MAPKAP1: variants seen among roughly 807,000 people sequenced by gnomAD.
The protein encoded by MAPKAP1 is target of rapamycin complex 2 subunit MAPKAP1.
MAPKAP1 carries 20 observed loss-of-function variants against 65.7 expected under a neutral mutation model. That is an observed-to-expected ratio of 0.30 (90% CI 0.21 to 0.44). MAPKAP1 has a LOEUF of 0.44. Among genes scored for constraint, MAPKAP1 ranks in the 20% least tolerant of loss-of-function variants. The pLI is 1.00. For missense variants in MAPKAP1, 423 were observed against 648.0 expected, an observed-to-expected ratio of 0.65 and a Z score of 3.77; for synonymous variants, 222 against 244.3, an observed-to-expected ratio of 0.91 and a Z score of 0.85.
At chr9:125,518,805 T>C (rs77068621) in intron 7 of MAPKAP1, among the ~76,000 whole-genome samples, 6,874 of 152,246 alleles carry the variant, frequency 0.045, 252 homozygotes, top group East Asian at 0.14. Context: ...CACCAAAACA[T>C]AGGTGCACTG....
chr9:125,616,317 A>G (rs945292147), intron 4 of MAPKAP1, among the ~76,000 whole-genome samples: 1 of 152,226 alleles, frequency 6.6e-6, no homozygotes, highest in Non-Finnish European at 1.5e-5. Context: ...AAGATTTCTT[A>G]GAACACAAAA....
At chr9:125,487,761 A>C (rs1395071107) in intron 8 of MAPKAP1, among the ~76,000 whole-genome samples, 1 of 152,208 alleles carries the variant, frequency 6.6e-6, no homozygotes, top group East Asian at 1.9e-4. Flanking sequence ...CTTAGCTATA[A>C]ATGATAATTC....
At chr9:125,484,688 T>C in intron 8 of MAPKAP1, 105 bp from the exon 9 acceptor site, 1 of 1,156,864 alleles carries the variant, frequency 8.6e-7, no homozygotes, top group Non-Finnish European at 1.2e-6. Context: ...GGCTATTTAA[T>C]TTGGAGAAGA....
intron 4 of MAPKAP1, among the ~76,000 whole-genome samples, chr9:125,603,676 A>G (rs1004919367): frequency 6.6e-6 from 1 of 152,216 alleles, no homozygotes; most frequent in African/African-American, 2.4e-5. Flanking sequence ...GAGAGTCAAG[A>G]TTTTATCTTA....
intron 7 of MAPKAP1, among the ~76,000 whole-genome samples, chr9:125,508,079 T>C (rs773076494): frequency 1.3e-5 from 2 of 151,998 alleles, no homozygotes; most frequent in Admixed American, 6.5e-5. Context: ...GGCGGGGGGA[T>C]TGCTTGAGCC....
intron 6 of MAPKAP1, among the ~76,000 whole-genome samples, chr9:125,556,603 T>C (rs1830742363): frequency 6.6e-6 from 1 of 152,196 alleles, no homozygotes; most frequent in Non-Finnish European, 1.5e-5. Flanking sequence ...CCTCTTTCTG[T>C]TTCAGCTTAG....
At chr9:125,531,359 C>A (rs2133140301) in intron 7 of MAPKAP1, among the ~76,000 whole-genome samples, 1 of 152,312 alleles carries the variant, frequency 6.6e-6, no homozygotes, top group East Asian at 1.9e-4. Context: ...ATGAACATGA[C>A]AACTGATTCA....
At chr9:125,569,919 C>G (rs1831175687) in intron 5 of MAPKAP1, among the ~76,000 whole-genome samples, 2 of 152,108 alleles carry the variant, frequency 1.3e-5, no homozygotes, top group African/African-American at 2.4e-5. Context: ...GTTCATGTAA[C>G]TTTAGTAATC....
intron 7 of MAPKAP1, among the ~76,000 whole-genome samples, chr9:125,516,432 T>C (rs1353721517): frequency 1.3e-5 from 2 of 152,180 alleles, no homozygotes; most frequent in Non-Finnish European, 2.9e-5. Context: ...ATTCATCCCC[T>C]TAAGAGTAAC....
chr9:125,689,523 G>A (rs865789273), intron 1 of MAPKAP1, among the ~76,000 whole-genome samples: 1 of 149,822 alleles, frequency 6.7e-6, no homozygotes, highest in African/African-American at 2.5e-5. Flanking sequence ...TAAGGAGGCA[G>A]GTCACCTGAG....
At chr9:125,472,817 T>C (rs2133003829) in intron 9 of MAPKAP1, among the ~76,000 whole-genome samples, 1 of 152,322 alleles carries the variant, frequency 6.6e-6, no homozygotes, top group East Asian at 1.9e-4. Context: ...AAGGACGTGC[T>C]CCAAAAACTG....
intron 7 of MAPKAP1, among the ~76,000 whole-genome samples, chr9:125,522,838 A>G (rs1431853055): frequency 1.3e-5 from 2 of 152,164 alleles, no homozygotes; most frequent in African/African-American, 4.8e-5. Context: ...TATGACCCAA[A>G]CTAGACTCAC....
intron 4 of MAPKAP1, among the ~76,000 whole-genome samples, chr9:125,590,507 G>A (rs1831924711): frequency 1.3e-5 from 2 of 151,948 alleles, no homozygotes; most frequent in South Asian, 2.1e-4. Flanking sequence ...AAAATCAGCC[G>A]GGTGTGGTGG....
Position 125,526,319 on chromosome 9 carries a change from T to C in MAPKAP1, c.958+16740A>G, listed in dbSNP as rs145561198. ...GTCCCAATTTAGAAAGAAGTAAGAA[T>C]GTCAAAATGTACATGTGACAGCTGT... On this transcript the variant is annotated intron_variant, in intron 7 of 11. Coordinates refer to ENST00000265960, the MANE Select transcript of MAPKAP1 (RefSeq NM_001006617.3). 2.9e-3 allele frequency among the ~76,000 whole-genome samples: 448 copies of C among 152,326 alleles called. 3 individuals are homozygous for C. Among genetic ancestry groups the C allele is most frequent in the Non-Finnish European group, 4.0e-3 (271 of 68,016 alleles).
chr9:125,460,674 C>T (rs1456269990), intron 10 of MAPKAP1, among the ~76,000 whole-genome samples: 4 of 152,188 alleles, frequency 2.6e-5, no homozygotes, highest in African/African-American at 9.7e-5. Flanking sequence ...ATAGGAACTA[C>T]AGAGACAAGC....
At chr9:125,552,143 C>T (rs1589280966) in intron 6 of MAPKAP1, among the ~76,000 whole-genome samples, 1 of 152,318 alleles carries the variant, frequency 6.6e-6, no homozygotes, top group East Asian at 1.9e-4. Flanking sequence ...GATATATTTG[C>T]TCTGTCCAAA....
At chr9:125,546,431 CAT>C (rs368083625) in intron 6 of MAPKAP1, among the ~76,000 whole-genome samples, 214 of 152,192 alleles carry the variant, frequency 1.4e-3, no homozygotes, top group African/African-American at 5.0e-3. Context: ...GTAATACCCT[CAT>C]ATGTTTCCAA....
At chr9:125,618,655 C>G (rs1352485784) in intron 4 of MAPKAP1, among the ~76,000 whole-genome samples, 3 of 152,136 alleles carry the variant, frequency 2.0e-5, no homozygotes, top group Non-Finnish European at 4.4e-5. Context: ...CCTATAGTCA[C>G]TCAAATTTGT....
At chr9:125,571,838 G>A (rs1831242890) in intron 5 of MAPKAP1, among the ~76,000 whole-genome samples, 1 of 152,160 alleles carries the variant, frequency 6.6e-6, no homozygotes. Flanking sequence ...ACTCCAGCCT[G>A]CTCGACGGGA....
Sources: gnomAD v4.1 joint callset for allele counts (sites outside exome capture counted in the v4.1 genomes callset) on GRCh38, gnomAD v4.1.1 for gene constraint, MANE v1.5 for transcripts, NCBI Gene and HGNC (gene_info 2026-07-23, HGNC 2026-07-21) for gene names.